The following SCARB1 variants were observed in gnomAD, a reference collection of about 807,000 sequenced individuals.
The protein encoded by SCARB1 is CD36 and LIMPII analogous 1.
A neutral mutation model predicts 57.2 loss-of-function variants in SCARB1; 30 were observed. That is an observed-to-expected ratio of 0.52 (90% CI 0.39 to 0.71). The LOEUF is 0.71. Ranked by LOEUF, SCARB1 falls within the 30% of genes least tolerant of loss-of-function variation. SCARB1 has a pLI of 0.00. For synonymous variants in SCARB1, 249 were observed against 268.3 expected (o/e 0.93, Z 0.70); for missense variants, 543 against 671.2 (o/e 0.81, Z 2.11).
chr12:124,821,572 AC>A (rs1172027678), intron 1 of SCARB1: 1 of 984,604 alleles, frequency 1.0e-6, no homozygotes, highest in Non-Finnish European at 1.2e-6. Context: ...ATCTTCAGAG[AC>A]CCAGCGCAGC....
rs1379099995 is a variant in SCARB1, at chr12:124,787,433, C to T, written c.1227G>A (p.Val409=). The change falls in exon 10 of 13, where the codon GTG becomes GTA. Residue 409 remains valine (V), a synonymous_variant. Transcript: ENST00000261693. ...CTGCAAACCAGAGCAGCGGCAGGAC[C>T]ACAGGCTCAATCTTCCCAGTTTGTC... The part of the protein sequence containing the change: ...GIGQTGKIEP[V]VLPLLWFAES... The T allele has an allele frequency of 6.2e-7, 1 of 1,613,822 alleles. No individual in the cohort carries two copies. The highest frequency in any genetic ancestry group is 8.5e-7 in the Non-Finnish European group (1 of 1,179,936).
At chr12:124,793,641 C>T (rs1281646061) in intron 9 of SCARB1, among the ~76,000 whole-genome samples, 8 of 144,266 alleles carry the variant, frequency 5.5e-5, no homozygotes, top group South Asian at 2.1e-4. Flanking sequence ...TGCAGTGAGC[C>T]GAGATCGCGC....
intron 1 of SCARB1, among the ~76,000 whole-genome samples, chr12:124,826,851 C>T (rs948093110): frequency 1.3e-5 from 2 of 152,042 alleles, no homozygotes; most frequent in Non-Finnish European, 2.9e-5. Context: ...GTGAATTTTC[C>T]AAACACATGA....
chr12:124,861,182 T>G (rs1239087642), intron 1 of SCARB1, among the ~76,000 whole-genome samples: 1 of 152,188 alleles, frequency 6.6e-6, no homozygotes, highest in Non-Finnish European at 1.5e-5. Flanking sequence ...TACCAAGATC[T>G]GCAGATGCTC....
At chr12:124,862,082 G>A (rs1412785635) in intron 1 of SCARB1, among the ~76,000 whole-genome samples, 2 of 152,166 alleles carry the variant, frequency 1.3e-5, no homozygotes, top group Admixed American at 6.5e-5. Context: ...CCCCTCTAGG[G>A]ACCCTGCATA....
intron 9 of SCARB1, among the ~76,000 whole-genome samples, chr12:124,788,695 A>C (rs1158479963): frequency 6.6e-6 from 1 of 152,200 alleles, no homozygotes; most frequent in Non-Finnish European, 1.5e-5. Flanking sequence ...TTAAAATAAC[A>C]ATATACCTTT....
rs1950781480 is a variant in SCARB1, at chr12:124,817,379, A to AAAAC, written c.284+170_284+171insGTTT. On this transcript the variant is annotated intron_variant, in intron 2 of 12. Coordinates refer to ENST00000261693, the MANE Select transcript of SCARB1 (RefSeq NM_005505.5). This position sits in a 1 kb window ranked among gnomAD's most constrained non-coding sequence, Gnocchi z 4.8. ...AAAAAAAAAAAAAAAAAAAAAAAAA[A>AAAAC]CCCTAAAACAAAAACTTCTCTGGGA... is the stretch of plus-strand genomic sequence containing the variant. Among the ~76,000 whole-genome samples the AAAAC allele has an allele frequency of 7.8e-6, 1 of 127,860 alleles. No homozygotes were observed. Among genetic ancestry groups the AAAAC allele is most frequent in the Non-Finnish European group, 1.7e-5 (1 of 58,792 alleles). 83.9% of individuals were successfully genotyped at this position (127,860 alleles called of 152,430 possible).
At position 124,817,690 on chromosome 12, in the gene SCARB1, G is replaced by A. The variant is rs1424075022; in HGVS notation, c.144C>T (p.Pro48=). Residue 48 remains proline (P), a synonymous_variant, in exon 2 of 13, where the codon CCC becomes CCT. Transcript: ENST00000261693. The surrounding 1 kb of genome is among the most constrained non-coding windows in gnomAD (Gnocchi z 4.8). ...QQVLKNVRID[P]SSLSFNMWKE... is the part of the protein sequence containing the mutation. Reference sequence around the variant, plus strand: ...TCCACATGTTGAAGGACAGGCTACTGGGGTCGATGCGCACGTTCTGCAGGG... The same window carrying A: ...TCCACATGTTGAAGGACAGGCTACTAGGGTCGATGCGCACGTTCTGCAGGG... 4 of 1,614,210 alleles carry A rather than the reference G, an allele frequency of 2.5e-6. No homozygotes were observed. The highest frequency in any genetic ancestry group is 1.3e-5 in the African/African-American group (1 of 75,068).
intron 1 of SCARB1, among the ~76,000 whole-genome samples, chr12:124,854,731 G>A (rs975677610): frequency 4.6e-5 from 7 of 152,196 alleles, no homozygotes; most frequent in Admixed American, 3.3e-4. Context: ...TGTTGGCCCG[G>A]GCAACTGGAA....
chr12:124,827,324 A>G (rs1480874759), intron 1 of SCARB1, among the ~76,000 whole-genome samples: 1 of 152,222 alleles, frequency 6.6e-6, no homozygotes, highest in Non-Finnish European at 1.5e-5. Flanking sequence ...GGCTACATAC[A>G]TCAGCTAACA....
At position 124,842,003 on chromosome 12, in the gene SCARB1, T is replaced by A. The variant is rs185532815; in HGVS notation, c.126+21592A>T. On this transcript the variant is annotated intron_variant, in intron 1 of 12. Transcript: ENST00000261693. ...GAGCAGTAAACATGGGCCGAAAGGATGAGTAGCTTTCCCTGCCACTTCAGC... is the reference window on the plus strand; with the variant it reads ...GAGCAGTAAACATGGGCCGAAAGGAAGAGTAGCTTTCCCTGCCACTTCAGC... Among the ~76,000 whole-genome samples, 10 of 152,200 alleles carry A rather than the reference T, an allele frequency of 6.6e-5. No homozygotes were observed. In the East Asian group the frequency reaches 1.5e-3, roughly 24 times the overall value.
At position 124,811,912 on chromosome 12, in the gene SCARB1, G is replaced by A. The variant is rs934213440; in HGVS notation, c.684C>T (p.Ile228=). Residue 228 remains isoleucine, a synonymous_variant, in exon 5 of 13, where the codon ATC becomes ATT. Coordinates refer to ENST00000261693, the MANE Select transcript of SCARB1 (RefSeq NM_005505.5). ...ACTTGTCCACGAGGTGGATCCTGCT[G>A]ATGTTCTGGACCCCCGTGAACACCG... ...LFTVFTGVQN[I]SRIHLVDKWN... 1.2e-6 allele frequency: 2 copies of A among 1,613,388 alleles called. No homozygotes were observed. Among genetic ancestry groups the A allele is most frequent in the Non-Finnish European group, 1.7e-6 (2 of 1,179,740 alleles).
At chr12:124,839,127 T>C in intron 1 of SCARB1, 1 of 418,392 alleles carries the variant, frequency 2.4e-6, no homozygotes, top group South Asian at 1.7e-5. Context: ...ACATTTGCAA[T>C]GTTGTGCAAT....
chr12:124,820,694 T>G (rs1950918847), intron 1 of SCARB1, among the ~76,000 whole-genome samples: 2 of 151,788 alleles, frequency 1.3e-5, no homozygotes, highest in Admixed American at 1.3e-4. Context: ...CTGCTGGTGC[T>G]CCCCCCATAG....
chr12:124,823,113 C>T (rs780648788), intron 1 of SCARB1, among the ~76,000 whole-genome samples: 1 of 152,080 alleles, frequency 6.6e-6, no homozygotes, highest in African/African-American at 2.4e-5. Context: ...GAAACCAGAA[C>T]AGGGGTCACC....
intron 1 of SCARB1, among the ~76,000 whole-genome samples, chr12:124,829,434 C>A (rs1046914862): frequency 6.6e-6 from 1 of 152,214 alleles, no homozygotes; most frequent in Non-Finnish European, 1.5e-5. Flanking sequence ...AAACCTCCCC[C>A]ATGCCTCCCT....
chr12:124,778,838 G>C (rs1012140552), intron 12 of SCARB1, among the ~76,000 whole-genome samples: 3 of 152,212 alleles, frequency 2.0e-5, no homozygotes, highest in African/African-American at 7.2e-5. Flanking sequence ...GGCCCAAAGA[G>C]ACTTAATACA....
intron 12 of SCARB1, among the ~76,000 whole-genome samples, chr12:124,782,153 C>A (rs1949341355): frequency 6.6e-6 from 1 of 152,194 alleles, no homozygotes; most frequent in African/African-American, 2.4e-5. Flanking sequence ...AAATGATCCA[C>A]CTGCTTCGGC....
At chr12:124,811,034 G>A (rs1950506698) in intron 5 of SCARB1, among the ~76,000 whole-genome samples, 1 of 152,162 alleles carries the variant, frequency 6.6e-6, no homozygotes, top group Non-Finnish European at 1.5e-5. Flanking sequence ...TTGAGAAAAG[G>A]TCACGAAGGT....
Sources: gnomAD v4.1 joint callset for allele counts (sites outside exome capture counted in the v4.1 genomes callset) on GRCh38, gnomAD v4.1.1 for gene constraint, Gnocchi (gnomAD v3.1) non-coding constraint, MANE v1.5 for transcripts, NCBI Gene and HGNC (gene_info 2026-07-23, HGNC 2026-07-21) for gene names.